The following KIRREL3 variants were observed in gnomAD, a reference collection of about 807,000 sequenced individuals.
KIRREL3 encodes the protein kirre like nephrin family adhesion molecule 3.
KIRREL3 carries 36 observed loss-of-function variants against 89.7 expected under a neutral mutation model. That is an observed-to-expected ratio of 0.40 (90% CI 0.31 to 0.53). The LOEUF (loss-of-function observed/expected upper bound fraction) is 0.53. KIRREL3 is among the 20% of genes least tolerant of loss of function. KIRREL3 has a pLI of 0.49. For synonymous variants in KIRREL3, 445 were observed against 441.4 expected, an observed-to-expected ratio of 1.01 and a Z score of -0.10; for missense variants, 864 against 1,056.6, an observed-to-expected ratio of 0.82 and a Z score of 2.53.
intron 5 of KIRREL3, among the ~76,000 whole-genome samples, chr11:126,467,227 G>C (rs536693032): frequency 6.6e-6 from 1 of 152,330 alleles, no homozygotes; most frequent in South Asian, 2.1e-4. Flanking sequence ...CTCAGGTGCC[G>C]CCTCAGGGCT....
intron 1 of KIRREL3, among the ~76,000 whole-genome samples, chr11:126,673,926 C>G (rs1217200937): frequency 6.6e-6 from 1 of 152,176 alleles, no homozygotes; most frequent in Non-Finnish European, 1.5e-5. Flanking sequence ...GCCAGGAGGG[C>G]CCATCTATGT....
chr11:126,775,440 C>T (rs576093665), intron 1 of KIRREL3, among the ~76,000 whole-genome samples: 1 of 152,244 alleles, frequency 6.6e-6, no homozygotes, highest in African/African-American at 2.4e-5. Context: ...CATCTTGACT[C>T]CCTGTGAGAT....
chr11:126,607,435 A>G lies in KIRREL3; in HGVS notation c.56-44523T>C, dbSNP rs1480306445. On this transcript the variant is annotated intron_variant, in intron 1 of 16. Transcript: ENST00000525144. This position sits in a 1 kb window ranked among gnomAD's most constrained non-coding sequence, Gnocchi z 6.6. ...AAGGAGAGATCCACATCTGGCTCCG[A>G]GCTGACTCTCGGTGACCATGACCAC... 6.6e-6 allele frequency among the ~76,000 whole-genome samples: 1 copy of G among 151,898 alleles called. No individual in the cohort carries two copies. The highest frequency in any genetic ancestry group is 1.5e-5 in the Non-Finnish European group (1 of 67,970).
rs1940316077 is a variant in KIRREL3 at position 126,563,869 on chromosome 11, CT to C, written c.56-958del. ...TAGCACACTAATTTTTTTGACCCCC[CT>C]CTACCCCCAAACAACTCACTGAGGT... On this transcript the variant is annotated intron_variant, in intron 1 of 16. Coordinates refer to ENST00000525144, the MANE Select transcript of KIRREL3 (RefSeq NM_032531.4). This position sits in a 1 kb window ranked among gnomAD's most constrained non-coding sequence, Gnocchi z 6.8. 1.3e-5 allele frequency among the ~76,000 whole-genome samples: 2 copies of C among 152,124 alleles called. No individual in the cohort carries two copies. Among genetic ancestry groups the C allele is most frequent in the East Asian group, 3.9e-4 (2 of 5,186 alleles).
In KIRREL3 at chr11:126,620,143, A is replaced by G. The variant is rs1035684614; in HGVS notation, c.56-57231T>C. ...TCTGGTGGTCTTATAACACTTGACC[A>G]AAAACCAAACAACAAAAACAAGGCT... is the stretch of plus-strand genomic sequence containing the variant. On this transcript the variant is annotated intron_variant, in intron 1 of 16. Coordinates refer to ENST00000525144, the MANE Select transcript of KIRREL3 (RefSeq NM_032531.4). The surrounding 1 kb of genome is among the most constrained non-coding windows in gnomAD (Gnocchi z 4.8). 2.0e-5 allele frequency among the ~76,000 whole-genome samples: 3 copies of G among 152,174 alleles called. No homozygotes were observed. Among genetic ancestry groups the G allele is most frequent in the Non-Finnish European group, 4.4e-5 (3 of 68,026 alleles).
intron 2 of KIRREL3, among the ~76,000 whole-genome samples, chr11:126,536,642 CTTTTTTTTTTT>C (rs145142970): frequency 5.2e-5 from 4 of 77,166 alleles, no homozygotes; most frequent in African/African-American, 2.3e-4. Flanking sequence ...CTGGGCAATG[CTTTTTTTTTTT>C]TTTTTTTTTT....
At position 126,561,366 on chromosome 11, in the gene KIRREL3, G is replaced by C. The variant is rs1940105369; in HGVS notation, c.133+1469C>G. Among the ~76,000 whole-genome samples the C allele has an allele frequency of 6.6e-6, 1 of 152,196 alleles. No individual in the cohort carries two copies. Among genetic ancestry groups the C allele is most frequent in the Non-Finnish European group, 1.5e-5 (1 of 68,030 alleles). On this transcript the variant is annotated intron_variant, in intron 2 of 16. Transcript: ENST00000525144. This position sits in a 1 kb window ranked among gnomAD's most constrained non-coding sequence, Gnocchi z 4.5. ...CAGAAGCTGAGGTCAGATATCTGGA[G>C]CTATGGGTTTCAATTCCAGCCCAGC...
rs1951227623 is a variant in KIRREL3, at chr11:126,807,108, G to T, written c.55+193347C>A. Among the ~76,000 whole-genome samples, 4 of 152,182 alleles carry T rather than the reference G, an allele frequency of 2.6e-5. No homozygotes were observed. The highest frequency in any genetic ancestry group is 2.0e-4 in the Admixed American group (3 of 15,282). Reference sequence around the variant, plus strand: ...GGGGATGAAACTGAGACCCTGCAAGGATAACTATCTTTTTCCAAGTTCCCA... The same window carrying T: ...GGGGATGAAACTGAGACCCTGCAAGTATAACTATCTTTTTCCAAGTTCCCA... On this transcript the variant is annotated intron_variant, in intron 1 of 16. Coordinates refer to ENST00000525144, the MANE Select transcript of KIRREL3 (RefSeq NM_032531.4). This position sits in a 1 kb window ranked among gnomAD's most constrained non-coding sequence, Gnocchi z 4.3.
chr11:126,759,687 A>C (rs1949611675), intron 1 of KIRREL3, among the ~76,000 whole-genome samples: 1 of 152,224 alleles, frequency 6.6e-6, no homozygotes, highest in African/African-American at 2.4e-5. Context: ...AGGTATTTCC[A>C]TGACATAAAG....
chr11:126,589,195 A>T (rs148322241), intron 1 of KIRREL3, among the ~76,000 whole-genome samples: 30 of 152,276 alleles, frequency 2.0e-4, no homozygotes, highest in African/African-American at 6.7e-4. Context: ...TCTGTTCATC[A>T]CGAGAACAGG....
At chr11:126,939,298 C>T (rs573029507) in intron 1 of KIRREL3, among the ~76,000 whole-genome samples, 178 of 152,292 alleles carry the variant, frequency 1.2e-3, no homozygotes, top group African/African-American at 4.0e-3. Flanking sequence ...GCTCCACCTT[C>T]GAGCGCTTAA....
rs553406929 is a variant in KIRREL3 at position 126,559,513 on chromosome 11, C to T, written c.133+3322G>A. ...TAATCACACATCATGATAGGTGCCA[C>T]TCGATACACACACCAGCTGCTGTGA... On this transcript the variant is annotated intron_variant, in intron 2 of 16. Coordinates refer to ENST00000525144, the MANE Select transcript of KIRREL3 (RefSeq NM_032531.4). 2.0e-5 allele frequency among the ~76,000 whole-genome samples: 3 copies of T among 152,190 alleles called. No homozygotes were observed. The East Asian group carries it at 5.8e-4, about 29-fold the overall frequency.
At chr11:126,680,335 T>C (rs12790134) in intron 1 of KIRREL3, among the ~76,000 whole-genome samples, 13,270 of 152,146 alleles carry the variant, frequency 0.087, 666 homozygotes, top group Middle Eastern at 0.13. Context: ...GTACTTAGCA[T>C]GCAAGGGACC....
chr11:126,930,512 G>A (rs1456807761), intron 1 of KIRREL3, among the ~76,000 whole-genome samples: 1 of 152,146 alleles, frequency 6.6e-6, no homozygotes, highest in African/African-American at 2.4e-5. Flanking sequence ...ATGCTCCAGG[G>A]CTCTGCATCA....
intron 4 of KIRREL3, among the ~76,000 whole-genome samples, chr11:126,502,340 T>C (rs2134370863): frequency 6.6e-6 from 1 of 152,334 alleles, no homozygotes; most frequent in East Asian, 1.9e-4. Flanking sequence ...CTGGCTGTGC[T>C]GCCCACAGCC....
Position 126,744,360 on chromosome 11 carries a change from G to A in KIRREL3, c.56-181448C>T, listed in dbSNP as rs1949075347. On this transcript the variant is annotated intron_variant, in intron 1 of 16. Coordinates refer to ENST00000525144, the MANE Select transcript of KIRREL3 (RefSeq NM_032531.4). The surrounding 1 kb of genome is among the most constrained non-coding windows in gnomAD (Gnocchi z 4.7). ...ACCCGCAGGAGGTGTGCTGACCAGA[G>A]AGGATGAAAGGGAAGCTGGAGGCAG... Among the ~76,000 whole-genome samples, 1 of 152,176 alleles carries A rather than the reference G, an allele frequency of 6.6e-6. No individual in the cohort carries two copies.
chr11:126,941,079 C>A (rs1454967504), intron 1 of KIRREL3, among the ~76,000 whole-genome samples: 1 of 152,134 alleles, frequency 6.6e-6, no homozygotes, highest in Non-Finnish European at 1.5e-5. Context: ...AATTCAGACA[C>A]CATTCATGAT....
At position 126,766,591 on chromosome 11, in the gene KIRREL3, G is replaced by C. The variant is rs1428017122; in HGVS notation, c.56-203679C>G. Among the ~76,000 whole-genome samples, 1 of 152,066 alleles carries C rather than the reference G, an allele frequency of 6.6e-6. No individual in the cohort carries two copies. The highest frequency in any genetic ancestry group is 1.5e-5 in the Non-Finnish European group (1 of 68,008). On this transcript the variant is annotated intron_variant, in intron 1 of 16. Coordinates refer to ENST00000525144, the MANE Select transcript of KIRREL3 (RefSeq NM_032531.4). The surrounding 1 kb of genome is among the most constrained non-coding windows in gnomAD (Gnocchi z 4.2). ...GGGGAACCATCCAAAAGAGATTATTGTGCCTCATGGTGGCGCCAGTAGTAT... is the reference window on the plus strand; with the variant it reads ...GGGGAACCATCCAAAAGAGATTATTCTGCCTCATGGTGGCGCCAGTAGTAT...
At chr11:126,781,927 G>GTTCCC (rs1341794987) in intron 1 of KIRREL3, among the ~76,000 whole-genome samples, 1 of 152,148 alleles carries the variant, frequency 6.6e-6, no homozygotes, top group Non-Finnish European at 1.5e-5. Flanking sequence ...TCTTTTCCCT[G>GTTCCC]TTCCCTTGAC....
Sources: allele counts gnomAD v4.1 joint callset (sites outside exome capture counted in the v4.1 genomes callset), GRCh38; gene constraint gnomAD v4.1.1; non-coding constraint Gnocchi (gnomAD v3.1); transcripts MANE v1.5; gene names NCBI Gene and HGNC (gene_info 2026-07-23, HGNC 2026-07-21).